The following PTPN13 variants were observed in gnomAD, a reference collection of about 807,000 sequenced individuals.
PTPN13 encodes tyrosine-protein phosphatase non-receptor type 13.
Under a neutral mutation model 284.0 loss-of-function variants are expected in PTPN13, and 191 were observed. That is an observed-to-expected ratio of 0.67 (90% confidence interval 0.60 to 0.76). The LOEUF (loss-of-function observed/expected upper bound fraction) is 0.76. Among genes scored for constraint, PTPN13 ranks in the 30% least tolerant of loss-of-function variants. The pLI is 0.00. For missense variants in PTPN13, 2,797 were observed against 2,939.9 expected (o/e 0.95, Z 1.12); for synonymous variants, 986 against 1,022.3 (o/e 0.96, Z 0.68).
chr4:86,805,479 T>C, intron 44 of PTPN13, 110 bp downstream of exon 44: 2 of 516,586 alleles, frequency 3.9e-6, no homozygotes, highest in Non-Finnish European at 6.9e-6. Context: ...TGCATGTGCA[T>C]ACATTCACAG....
chr4:86,687,820 C>A (rs997586255), intron 4 of PTPN13, among the ~76,000 whole-genome samples: 1 of 151,598 alleles, frequency 6.6e-6, no homozygotes, highest in African/African-American at 2.4e-5. Context: ...AAGTCAATAT[C>A]AAATATAAAT....
Position 86,741,720 on chromosome 4 carries a change from C to G in PTPN13, c.2391C>G (p.Val797=), listed in dbSNP as rs373882170. Residue 797 remains valine (V), a synonymous_variant, in exon 16 of 48, where the codon GTC becomes GTG. Transcript: ENST00000411767. ...CACAAACAGGAATATTGCTTGGAGT[C>G]TGTTCTAAAGGTGTCCTTGTGTTTG... The part of the protein sequence containing the change: ...KKSQTGILLG[V]CSKGVLVFEV... 81 of 1,613,630 alleles carry G rather than the reference C, an allele frequency of 5.0e-5. No individual in the cohort carries two copies. The South Asian group carries it at 8.2e-4, about 16-fold the overall frequency.
At chr4:86,639,579 C>CA (rs1281065256) in intron 2 of PTPN13, among the ~76,000 whole-genome samples, 3 of 143,612 alleles carry the variant, frequency 2.1e-5, no homozygotes, top group Non-Finnish European at 4.5e-5. Flanking sequence ...ATCGCAAGGA[C>CA]AAAAAACCAA....
At chr4:86,626,502 A>G (rs1721850734) in intron 1 of PTPN13, among the ~76,000 whole-genome samples, 1 of 152,098 alleles carries the variant, frequency 6.6e-6, no homozygotes, top group Non-Finnish European at 1.5e-5. Flanking sequence ...TTAGGCAATA[A>G]TATTTTTTCT....
At chr4:86,774,290 GT>G in intron 32 of PTPN13, 82 bp from the exon 33 acceptor site, 1 of 1,357,516 alleles carries the variant, frequency 7.4e-7, no homozygotes, top group Non-Finnish European at 1.0e-6. Context: ...TTTCTCCTCT[GT>G]TAAGGGAAAT....
intron 8 of PTPN13, 78 bp from the exon 9 acceptor site, chr4:86,716,946 T>C (rs1166440181): frequency 4.2e-6 from 4 of 953,478 alleles, no homozygotes; most frequent in Non-Finnish European, 6.6e-6. Flanking sequence ...CTATGTCTGC[T>C]AAGTGTTTGA....
In PTPN13 at chr4:86,765,500, A is replaced by T. The variant is rs1408852768; in HGVS notation, c.4243+12A>T. The T allele has an allele frequency of 6.5e-7, 1 of 1,534,124 alleles. No individual in the cohort carries two copies. Reference sequence around the variant, plus strand: ...TAGAATTCACAAAGGTATAGTGTTTATATTATGTGGGAATTATATGTATGA... The same window carrying T: ...TAGAATTCACAAAGGTATAGTGTTTTTATTATGTGGGAATTATATGTATGA... On this transcript the variant is annotated intron_variant, in intron 26 of 47. Transcript: ENST00000411767.
chr4:86,732,467 C>A lies in PTPN13; in HGVS notation c.1676C>A (p.Ser559Tyr). 3.1e-6 allele frequency: 5 copies of A among 1,600,900 alleles called. No individual in the cohort carries two copies. In the South Asian group the frequency reaches 5.6e-5, roughly 18 times the overall value. ...EPFISLDLPR[S>Y]ILTKKGKNED... ...TTTATATCTTTGGATTTGCCACGGTCTATTCTTGTAAGTAATAAAACCAAT... is the reference window on the plus strand; with the variant it reads ...TTTATATCTTTGGATTTGCCACGGTATATTCTTGTAAGTAATAAAACCAAT... Residue 559 changes from serine (S) to tyrosine (Y), a missense_variant, in exon 11 of 48, where the codon TCT (serine) becomes TAT (tyrosine). Ser to Tyr is a moderately radical substitution (Grantham distance 144). Transcript: ENST00000411767.
Position 86,769,950 on chromosome 4 carries a change from G to T in PTPN13, c.4671G>T (p.Val1557=). The change falls in exon 29 of 48, where the codon GTG becomes GTT. Residue 1557 remains valine, a synonymous_variant. Transcript: ENST00000411767. ...KIDVGDVILK[V]NGASLKGLSQ... Reference sequence around the variant, plus strand: ...ATGTAGGAGATGTTATCTTGAAAGTGAATGGAGCCTCTTTGAAAGGACTAT... The same window carrying T: ...ATGTAGGAGATGTTATCTTGAAAGTTAATGGAGCCTCTTTGAAAGGACTAT... 1 of 1,613,944 alleles carries T rather than the reference G, an allele frequency of 6.2e-7. No individual in the cohort carries two copies. Among genetic ancestry groups the T allele is most frequent in the Non-Finnish European group, 8.5e-7 (1 of 1,179,874 alleles).
chr4:86,794,474 A>C (rs962008089), intron 40 of PTPN13, among the ~76,000 whole-genome samples: 2 of 152,208 alleles, frequency 1.3e-5, no homozygotes, highest in African/African-American at 4.8e-5. Flanking sequence ...CATACTGCCC[A>C]AAGTAATTTA....
chr4:86,610,878 A>T (rs1765201225), intron 1 of PTPN13, among the ~76,000 whole-genome samples: 1 of 152,232 alleles, frequency 6.6e-6, no homozygotes, highest in Admixed American at 6.5e-5. Context: ...GGTATTAATA[A>T]TGATTCCAGC....
chr4:86,745,087 A>G lies in PTPN13; in HGVS notation c.2609A>G (p.Gln870Arg), dbSNP rs779459315. 3 of 1,613,096 alleles carry G rather than the reference A, an allele frequency of 1.9e-6. No individual in the cohort carries two copies. The African/African-American group carries it at 4.0e-5, about 22-fold the overall frequency. ...TCTTACCAGCATAAGTTCCAGCTAC[A>G]GATGAGAGCAAGACAGAGCAACCAA... ...LCSYQHKFQL[Q>R]MRARQSNQDA... The change falls in exon 17 of 48, where the codon CAG (glutamine) becomes CGG (arginine). Residue 870 changes from glutamine (Q) to arginine (R), a missense_variant. Physicochemically the swap from Gln to Arg is conservative, Grantham distance 43. Coordinates refer to ENST00000411767, the MANE Select transcript of PTPN13 (RefSeq NM_080683.3).
chr4:86,709,451 G>C (rs1732132211), intron 7 of PTPN13, among the ~76,000 whole-genome samples: 1 of 152,128 alleles, frequency 6.6e-6, no homozygotes, highest in African/African-American at 2.4e-5. Flanking sequence ...TATAAATGGA[G>C]TATTACAATG....
chr4:86,614,617 A>T (rs936899328), intron 1 of PTPN13, among the ~76,000 whole-genome samples: 1 of 152,150 alleles, frequency 6.6e-6, no homozygotes, highest in Admixed American at 6.5e-5. Context: ...GAAACAAAAA[A>T]CATCAAGATA....
chr4:86,677,942 A>T (rs1728478144), intron 3 of PTPN13, among the ~76,000 whole-genome samples: 1 of 152,136 alleles, frequency 6.6e-6, no homozygotes, highest in Admixed American at 6.5e-5. Context: ...TCCTAAAATA[A>T]TTCTATTTCA....
intron 35 of PTPN13, among the ~76,000 whole-genome samples, chr4:86,776,700 CTTACA>C (rs959174600): frequency 1.3e-5 from 2 of 152,234 alleles, no homozygotes; most frequent in African/African-American, 4.8e-5. Flanking sequence ...TTTTACATTA[CTTACA>C]TTACATTATC....
chr4:86,796,967 G>A (rs9307025), intron 41 of PTPN13, 38 bp downstream of exon 41: 52 of 1,194,836 alleles, frequency 4.4e-5, no homozygotes, highest in Non-Finnish European at 5.7e-5. Context: ...TAATGCTTCT[G>A]TCTATCTATA....
intron 1 of PTPN13, among the ~76,000 whole-genome samples, chr4:86,618,405 T>C (rs1317822080): frequency 6.6e-6 from 1 of 152,158 alleles, no homozygotes; most frequent in Non-Finnish European, 1.5e-5. Flanking sequence ...GACTTGGCGA[T>C]GTGGGCTCTT....
Position 86,598,725 on chromosome 4 carries a change from CT to C in PTPN13, c.-6+3937del. Among the ~76,000 whole-genome samples the C allele has an allele frequency of 3.3e-5, 5 of 152,056 alleles. No homozygotes were observed. The Middle Eastern group carries it at 0.017, about 517-fold the overall frequency. On this transcript the variant is annotated intron_variant, in intron 1 of 47. Coordinates refer to ENST00000411767, the MANE Select transcript of PTPN13 (RefSeq NM_080683.3). ...CCTCCTAGTTTAGTAGTATTCAACT[CT>C]GCCTGTACCTTAGAATCACCTGGAT...
Sources: allele counts gnomAD v4.1 joint callset (sites outside exome capture counted in the v4.1 genomes callset), GRCh38; gene constraint gnomAD v4.1.1; transcripts MANE v1.5; gene names NCBI Gene and HGNC (gene_info 2026-07-23, HGNC 2026-07-21).